The following PREX2 variants were observed in gnomAD, a reference collection of about 807,000 sequenced individuals.
The protein encoded by PREX2 is phosphatidylinositol 3,4,5-trisphosphate-dependent Rac exchanger 2 protein.
A neutral mutation model predicts 203.2 loss-of-function variants in PREX2; 107 were observed. The ratio of observed to expected loss-of-function variants is 0.53; its 90% CI spans 0.45 to 0.62. The LOEUF (loss-of-function observed/expected upper bound fraction) is 0.62. Ranked by LOEUF, PREX2 falls within the 20% of genes least tolerant of loss-of-function variation. PREX2 has a pLI of 0.00. For synonymous variants in PREX2, 672 were observed against 663.6 expected (o/e 1.01, Z -0.19); for missense variants, 1,777 against 1,955.9 (o/e 0.91, Z 1.72).
At chr8:68,188,832 G>T (rs1392699251) in intron 35 of PREX2, among the ~76,000 whole-genome samples, 1 of 152,152 alleles carries the variant, frequency 6.6e-6, no homozygotes, top group Non-Finnish European at 1.5e-5. Context: ...GTGAGACTTG[G>T]ATGGGGACAC....
intron 1 of PREX2, among the ~76,000 whole-genome samples, chr8:68,009,090 A>G (rs1406280686): frequency 2.6e-5 from 4 of 152,188 alleles, no homozygotes; most frequent in Non-Finnish European, 5.9e-5. Context: ...TATGAGATGA[A>G]GGAGGGGAGT....
chr8:67,965,463 A>G (rs1805739986), intron 1 of PREX2, among the ~76,000 whole-genome samples: 1 of 151,940 alleles, frequency 6.6e-6, no homozygotes, highest in Non-Finnish European at 1.5e-5. Flanking sequence ...ATTAGTTTGT[A>G]TAATTAACAT....
intron 1 of PREX2, among the ~76,000 whole-genome samples, chr8:67,986,485 T>C: frequency 1.1e-5 from 1 of 94,372 alleles, no homozygotes; most frequent in African/African-American, 2.7e-5. Context: ...TACAGGTGGC[T>C]TGTCTACGTG....
At chr8:68,037,779 G>T (rs148818547) in intron 6 of PREX2, among the ~76,000 whole-genome samples, 3 of 152,212 alleles carry the variant, frequency 2.0e-5, no homozygotes, top group African/African-American at 7.2e-5. Context: ...GCCTGTGGAG[G>T]CTGTTTTTCC....
rs149795644 is a variant in PREX2 at position 68,104,892 on chromosome 8, C to T, written c.2716-3217C>T. Among the ~76,000 whole-genome samples, 49 of 152,294 alleles carry T rather than the reference C, an allele frequency of 3.2e-4. No individual in the cohort carries two copies. In the East Asian group the frequency reaches 9.3e-3, roughly 29 times the overall value. On this transcript the variant is annotated intron_variant, in intron 23 of 39. Transcript: ENST00000288368. ...CTAAAGTCCTGTCCCTCCCAATACA[C>T]CTCTCTCCACACCCACCCTGTGCAT...
chr8:68,090,783 G>A, intron 20 of PREX2, 68 bp downstream of exon 20: 2 of 1,362,378 alleles, frequency 1.5e-6, no homozygotes, highest in Non-Finnish European at 1.0e-6. Context: ...GGTTGAGGTG[G>A]GATAGTGCCA....
At chr8:68,029,673 A>G (rs1361341314) in intron 5 of PREX2, among the ~76,000 whole-genome samples, 1 of 152,170 alleles carries the variant, frequency 6.6e-6, no homozygotes, top group Non-Finnish European at 1.5e-5. Flanking sequence ...TGGCAACCAT[A>G]GTAAGGAAAC....
At chr8:67,995,970 C>T (rs1250949801) in intron 1 of PREX2, among the ~76,000 whole-genome samples, 1 of 152,142 alleles carries the variant, frequency 6.6e-6, no homozygotes, top group Non-Finnish European at 1.5e-5. Flanking sequence ...CCAGCTGTTT[C>T]ATAGCCTCAC....
At chr8:68,215,676 A>G (rs28510714) in intron 37 of PREX2, among the ~76,000 whole-genome samples, 4 of 150,808 alleles carry the variant, frequency 2.7e-5, no homozygotes, top group African/African-American at 9.8e-5. Flanking sequence ...CTGGGACTAC[A>G]GGCACCCACC....
At chr8:68,091,282 G>A (rs974170301) in intron 20 of PREX2, among the ~76,000 whole-genome samples, 7 of 151,348 alleles carry the variant, frequency 4.6e-5, no homozygotes, top group Admixed American at 3.9e-4. Context: ...ATCTAAAATT[G>A]TAGAACACTA....
chr8:68,209,056 G>T lies in PREX2; in HGVS notation c.4605-8560G>T, dbSNP rs146780184. On this transcript the variant is annotated intron_variant, in intron 37 of 39. Coordinates refer to ENST00000288368, the MANE Select transcript of PREX2 (RefSeq NM_024870.4). ...CACTCCAGCCTTAGCGACAGAGCAAGACCTGGACTCATTTAAAAAAAAAAA... is the reference window on the plus strand; with the variant it reads ...CACTCCAGCCTTAGCGACAGAGCAATACCTGGACTCATTTAAAAAAAAAAA... Among the ~76,000 whole-genome samples, 20 of 126,810 alleles carry T rather than the reference G, an allele frequency of 1.6e-4. No individual in the cohort carries two copies. In the East Asian group the frequency reaches 3.5e-3, roughly 22 times the overall value. The allele number at this position is 126,810 out of a possible 152,430, so 83.2% of individuals were successfully genotyped here.
intron 2 of PREX2, among the ~76,000 whole-genome samples, chr8:68,018,251 C>G (rs773079284): frequency 6.6e-6 from 1 of 151,698 alleles, no homozygotes; most frequent in Non-Finnish European, 1.5e-5. Flanking sequence ...GAGGATCACC[C>G]AAGGTCAGGA....
chr8:68,196,382 T>G (rs1812393828), intron 37 of PREX2, among the ~76,000 whole-genome samples: 2 of 148,538 alleles, frequency 1.3e-5, no homozygotes, highest in Admixed American at 1.3e-4. Flanking sequence ...GTAACTTCTA[T>G]CAACAACACA....
At chr8:68,132,363 G>A (rs1255111622) in intron 31 of PREX2, among the ~76,000 whole-genome samples, 1 of 151,602 alleles carries the variant, frequency 6.6e-6, no homozygotes, top group African/African-American at 2.4e-5. Flanking sequence ...TGGGGCACAT[G>A]TTGTTGGTTA....
rs532016445 is a variant in PREX2, at chr8:68,195,767, A to G, written c.4604+3242A>G. ...TCATTTACTTTTAAAATCAAGATGA[A>G]AAAAGTCAACAATGTGGTATCTACA... On this transcript the variant is annotated intron_variant, in intron 37 of 39. Transcript: ENST00000288368. 2.0e-3 allele frequency among the ~76,000 whole-genome samples: 309 copies of G among 152,338 alleles called. 1 individual carries two copies. The highest frequency in any genetic ancestry group is 3.8e-3 in the Non-Finnish European group (256 of 68,024).
At chr8:67,992,162 G>A (rs1806630330) in intron 1 of PREX2, among the ~76,000 whole-genome samples, 1 of 152,110 alleles carries the variant, frequency 6.6e-6, no homozygotes, top group African/African-American at 2.4e-5. Context: ...GCTCTTCTGT[G>A]AAGCCAAAGC....
chr8:68,047,878 G>A (rs1808417628), intron 8 of PREX2, among the ~76,000 whole-genome samples: 1 of 151,764 alleles, frequency 6.6e-6, no homozygotes, highest in Non-Finnish European at 1.5e-5. Flanking sequence ...TGAGACAAAA[G>A]TTTTCAGCCA....
At chr8:68,194,536 C>T (rs1812357803) in intron 37 of PREX2, among the ~76,000 whole-genome samples, 1 of 151,794 alleles carries the variant, frequency 6.6e-6, no homozygotes, top group African/African-American at 2.4e-5. Context: ...GCCTATAATC[C>T]TGGCACTTCC....
chr8:68,192,202 A>C, intron 36 of PREX2, 133 bp from the exon 37 acceptor site: 3 of 645,542 alleles, frequency 4.6e-6, no homozygotes, highest in Non-Finnish European at 7.8e-6. Context: ...AATTATAAAT[A>C]TTAGTAGTCT....
Sources: allele counts gnomAD v4.1 joint callset (sites outside exome capture counted in the v4.1 genomes callset), GRCh38; gene constraint gnomAD v4.1.1; transcripts MANE v1.5; gene names NCBI Gene and HGNC (gene_info 2026-07-23, HGNC 2026-07-21).